The following DLGAP5 variants were observed in gnomAD, a reference collection of about 807,000 sequenced individuals.
DLGAP5 encodes disks large-associated protein 5.
In DLGAP5, 90 loss-of-function variants were observed where a neutral mutation model predicts 99.6. The observed-to-expected ratio is 0.90, with a 90% CI of 0.76 to 1.08. The LOEUF (loss-of-function observed/expected upper bound fraction) is 1.08. Ranked by LOEUF, DLGAP5 falls within the 50% of genes least tolerant of loss-of-function variation. DLGAP5 has a pLI of 0.00. For missense variants in DLGAP5, 1,036 were observed against 983.5 expected, an observed-to-expected ratio of 1.05 and a Z score of -0.71; for synonymous variants, 311 against 321.3, an observed-to-expected ratio of 0.97 and a Z score of 0.34.
chr14:55,162,632 G>A lies in DLGAP5; in HGVS notation c.1653+339C>T, dbSNP rs202008848. Among the ~76,000 whole-genome samples the A allele has an allele frequency of 7.0e-3, 676 of 97,044 alleles. 9 individuals are homozygous for A. The highest frequency in any genetic ancestry group is 0.035 in the African/African-American group (628 of 17,722). 63.7% of individuals were successfully genotyped at this position (97,044 alleles called of 152,430 possible). A position where few individuals can be genotyped will look rare whatever the true frequency, so the allele number is the denominator to read the frequency against. ...GGATTCCATCTCAAAAAAAAAAAAA[G>A]AAGAAGAAGAATAAAACCAACACTC... On this transcript the variant is annotated intron_variant, in intron 13 of 18. Transcript: ENST00000247191.
chr14:55,190,317 C>G (rs1323217996), intron 1 of DLGAP5, among the ~76,000 whole-genome samples: 1 of 151,148 alleles, frequency 6.6e-6, no homozygotes, highest in African/African-American at 2.5e-5. Context: ...CACACACACG[C>G]ACAAAATCAT....
intron 12 of DLGAP5, among the ~76,000 whole-genome samples, chr14:55,165,286 G>A (rs977850415): frequency 2.0e-5 from 3 of 152,282 alleles, no homozygotes; most frequent in African/African-American, 7.2e-5. Flanking sequence ...TTGGGAGGCT[G>A]AGAAGGGTGG....
intron 1 of DLGAP5, 101 bp from the exon 2 acceptor site, chr14:55,189,281 T>A: frequency 1.2e-6 from 1 of 818,280 alleles, no homozygotes. Context: ...CCTTCTGAAA[T>A]AAAAATATAA....
chr14:55,164,235 C>G (rs1449283773), intron 12 of DLGAP5, among the ~76,000 whole-genome samples: 1 of 151,900 alleles, frequency 6.6e-6, no homozygotes, highest in Non-Finnish European at 1.5e-5. Flanking sequence ...ACTTGGTAGG[C>G]TGAGGCAGGG....
chr14:55,163,231 T>C (rs1463964102), intron 12 of DLGAP5, among the ~76,000 whole-genome samples, 156 bp from the exon 13 acceptor site: 3 of 152,210 alleles, frequency 2.0e-5, no homozygotes, highest in Admixed American at 1.3e-4. Flanking sequence ...TTCAAATAAT[T>C]TTTATGGTAA....
rs952791015 is a variant in DLGAP5 at position 55,158,402 on chromosome 14, C to G, written c.1873+120G>C. ...CTATTTTCTAAAAATCACAGAAAAA[C>G]TTATGTCTCTTCATGTAAAAAACTA... On this transcript the variant is annotated intron_variant, in intron 14 of 18. Coordinates refer to ENST00000247191, the MANE Select transcript of DLGAP5 (RefSeq NM_014750.5). 2.6e-5 allele frequency: 20 copies of G among 784,312 alleles called. 1 individual carries two copies. Among genetic ancestry groups the G allele is most frequent in the Non-Finnish European group, 3.0e-5 (15 of 504,402 alleles). 48.6% of individuals were successfully genotyped at this position (784,312 alleles called of 1,614,324 possible).
At chr14:55,181,104 G>T in intron 5 of DLGAP5, 109 bp downstream of exon 5, 3 of 1,074,856 alleles carry the variant, frequency 2.8e-6, no homozygotes, top group South Asian at 1.5e-5. Flanking sequence ...AACAGAGCAA[G>T]ACTCTGTCAC....
chr14:55,170,767 G>A lies in DLGAP5; in HGVS notation c.1322C>T (p.Thr441Ile), dbSNP rs753594826. 7.4e-6 allele frequency: 12 copies of A among 1,613,576 alleles called. 1 individual carries two copies. The South Asian group carries it at 1.3e-4, about 18-fold the overall frequency. ...PYFRNILQSE[T>I]EKLTSHCFEW... Reference sequence around the variant, plus strand: ...GAAGCAATGTGAAGTTAATTTCTCAGTTTCTGACTGGAGGATATTTCTAAA... The same window carrying A: ...GAAGCAATGTGAAGTTAATTTCTCAATTTCTGACTGGAGGATATTTCTAAA... The change falls in exon 11 of 19, where the codon ACT becomes ATT. Residue 441 changes from threonine to isoleucine, a missense_variant. Transcript: ENST00000247191.
At chr14:55,154,127 C>T (rs187945169) in intron 15 of DLGAP5, among the ~76,000 whole-genome samples, 2 of 152,114 alleles carry the variant, frequency 1.3e-5, no homozygotes, top group Admixed American at 1.3e-4. Context: ...TAACTCCCCC[C>T]CCTTCAATAT....
At chr14:55,184,892 C>T (rs1883383265) in intron 2 of DLGAP5, among the ~76,000 whole-genome samples, 1 of 152,160 alleles carries the variant, frequency 6.6e-6, no homozygotes, top group Admixed American at 6.5e-5. Context: ...TCCTGACCCA[C>T]AAAAATTGTA....
At chr14:55,177,442 G>GAGA in intron 7 of DLGAP5, 106 bp from the exon 8 acceptor site, 1 of 1,057,726 alleles carries the variant, frequency 9.5e-7, no homozygotes, top group Non-Finnish European at 1.3e-6. Flanking sequence ...TATGTTCTAT[G>GAGA]TACATAATTT....
chr14:55,176,163 A>T, intron 8 of DLGAP5, 145 bp from the exon 9 acceptor site: 1 of 603,706 alleles, frequency 1.7e-6, no homozygotes, highest in Non-Finnish European at 2.7e-6. Flanking sequence ...GAGGGGAGAA[A>T]ATGTAAACAC....
At chr14:55,173,452 C>T (rs895659763) in intron 10 of DLGAP5, among the ~76,000 whole-genome samples, 1 of 151,938 alleles carries the variant, frequency 6.6e-6, no homozygotes, top group Admixed American at 6.6e-5. Context: ...GAAATGAAGT[C>T]ACTCTCAAAA....
intron 6 of DLGAP5, 41 bp from the exon 7 acceptor site, chr14:55,179,740 G>T (rs2139522678): frequency 6.6e-7 from 1 of 1,514,502 alleles, no homozygotes; most frequent in Non-Finnish European, 9.1e-7. Flanking sequence ...AGATAGAAAT[G>T]CTACATGAAA....
chr14:55,149,815 C>CGGGG (rs34800653), intron 18 of DLGAP5, among the ~76,000 whole-genome samples: 4 of 131,940 alleles, frequency 3.0e-5, no homozygotes, highest in Non-Finnish European at 6.9e-5. Flanking sequence ...AGAATCGGGG[C>CGGGG]GGGGGGGGGG....
At chr14:55,176,908 G>A (rs192567449) in intron 8 of DLGAP5, among the ~76,000 whole-genome samples, 154 bp downstream of exon 8, 73 of 148,804 alleles carry the variant, frequency 4.9e-4, no homozygotes, top group African/African-American at 1.8e-3. Context: ...AACCCGGGTG[G>A]CGGAGCTTAC....
Position 55,158,511 on chromosome 14 carries a change from A to T in DLGAP5, c.1873+11T>A. 1 of 1,600,614 alleles carries T rather than the reference A, an allele frequency of 6.2e-7. No homozygotes were observed. The highest frequency in any genetic ancestry group is 8.5e-7 in the Non-Finnish European group (1 of 1,174,590). On this transcript the variant is annotated intron_variant, in intron 14 of 18. Coordinates refer to ENST00000247191, the MANE Select transcript of DLGAP5 (RefSeq NM_014750.5). Reference sequence around the variant, plus strand: ...AAAAACAAAAAAAATAAAAAATCAAAAACAACTAACCTGAGAATAATTTAA... The same window carrying T: ...AAAAACAAAAAAAATAAAAAATCAATAACAACTAACCTGAGAATAATTTAA...
Position 55,148,366 on chromosome 14 carries a change from TTGTAGAGGTGAAAAAG to T in DLGAP5, c.2510_2525del (p.Thr837AsnfsTer25), listed in dbSNP as rs1881894541. ...ATTTTTAAATTCAAAATTCTCCTGG[TTGTAGAGGTGAAAAAG>T]TAATCAGGTTACCACCAAAAGAAAT... On this transcript the variant is annotated frameshift_variant, in exon 19 of 19. Coordinates refer to ENST00000247191, the MANE Select transcript of DLGAP5 (RefSeq NM_014750.5). LOFTEE classifies it high-confidence loss of function. 3 of 1,613,884 alleles carry T rather than the reference TTGTAGAGGTGAAAAAG, an allele frequency of 1.9e-6. No individual in the cohort carries two copies. Among genetic ancestry groups the T allele is most frequent in the Non-Finnish European group, 2.5e-6 (3 of 1,179,938 alleles).
intron 1 of DLGAP5, among the ~76,000 whole-genome samples, chr14:55,190,592 T>C (rs10138287): frequency 0.037 from 5,626 of 152,270 alleles, 350 homozygotes; most frequent in African/African-American, 0.13. Flanking sequence ...AGACACACTA[T>C]GGTATATTCT....
Sources: gnomAD v4.1 joint callset for allele counts (sites outside exome capture counted in the v4.1 genomes callset) on GRCh38, gnomAD v4.1.1 for gene constraint, MANE v1.5 for transcripts, NCBI Gene and HGNC (gene_info 2026-07-23, HGNC 2026-07-21) for gene names.